HTR4: variants seen among roughly 807,000 people sequenced by gnomAD.
The protein encoded by HTR4 is 5-hydroxytryptamine receptor 4.
A neutral mutation model predicts 36.8 loss-of-function variants in HTR4; 16 were observed. The observed-to-expected ratio is 0.43, with a 90% CI of 0.29 to 0.66. HTR4 has a LOEUF of 0.66. Among genes scored for constraint, HTR4 ranks in the 30% least tolerant of loss-of-function variants. The probability of loss-of-function intolerance (pLI) is 0.13; values close to 1 mark genes in which losing one functional copy is unlikely to be tolerated. For synonymous variants in HTR4, 189 were observed against 185.1 expected, an observed-to-expected ratio of 1.02 and a Z score of -0.17; for missense variants, 438 against 490.9, an observed-to-expected ratio of 0.89 and a Z score of 1.02.
chr5:148,495,013 G>T (rs1201719331), intron 6 of HTR4, among the ~76,000 whole-genome samples: 1 of 152,270 alleles, frequency 6.6e-6, no homozygotes, highest in Admixed American at 6.5e-5. Flanking sequence ...AAGTTCTTTG[G>T]AAAGTGCTTG....
Position 148,484,603 on chromosome 5 carries a change from T to C in HTR4, c.1077-1310A>G, listed in dbSNP as rs60926905. Among the ~76,000 whole-genome samples the C allele has an allele frequency of 8.4e-3, 1,276 of 152,316 alleles. 46 individuals carry two copies. In the East Asian group the frequency reaches 0.11, roughly 13 times the overall value. On this transcript the variant is annotated intron_variant, in intron 6 of 6. Coordinates refer to ENST00000377888, the MANE Select transcript of HTR4 (RefSeq NM_000870.7). Reference sequence around the variant, plus strand: ...TTAAGCCCCTGAGATATGACACATCTTGGCTCAGAGAGAGTTAAATGCTTT... The same window carrying C: ...TTAAGCCCCTGAGATATGACACATCCTGGCTCAGAGAGAGTTAAATGCTTT...
chr5:148,481,531 G>T, downstream of HTR4: 1 of 1,517,176 alleles, frequency 6.6e-7, no homozygotes, highest in Non-Finnish European at 8.8e-7. Context: ...ATAGGACAGA[G>T]AGGCTTTTTT....
intron 2 of HTR4, among the ~76,000 whole-genome samples, chr5:148,588,566 C>T (rs1761437669): frequency 7.6e-6 from 1 of 132,028 alleles, no homozygotes; most frequent in Admixed American, 8.8e-5. Context: ...TGGAGTCTCG[C>T]TCTGTCGCCC....
At chr5:148,548,601 C>T in intron 4 of HTR4, 67 bp downstream of exon 4, 1 of 1,244,792 alleles carries the variant, frequency 8.0e-7, no homozygotes, top group Non-Finnish European at 1.1e-6. Flanking sequence ...AAGGCAGACA[C>T]TGCCCAATAT....
chr5:148,634,572 A>G (rs1263826058), intron 2 of HTR4, among the ~76,000 whole-genome samples: 1 of 152,238 alleles, frequency 6.6e-6, no homozygotes, highest in African/African-American at 2.4e-5. Context: ...CACACATTCA[A>G]CAAAAGAAAC....
exon 6 of HTR4, chr5:148,451,133 T>G: frequency 1.2e-6 from 2 of 1,611,722 alleles, no homozygotes. Flanking sequence ...GGTGACCTGT[T>G]CATGCAAACA....
At chr5:148,478,710 A>C (rs1414352428), downstream of HTR4, among the ~76,000 whole-genome samples, 1 of 152,056 alleles carries the variant, frequency 6.6e-6, no homozygotes, top group Non-Finnish European at 1.5e-5. Context: ...TCCTGCTTGA[A>C]TCTTTTATGT....
At chr5:148,531,662 C>T (rs1246119655) in intron 4 of HTR4, among the ~76,000 whole-genome samples, 1 of 152,156 alleles carries the variant, frequency 6.6e-6, no homozygotes, top group Non-Finnish European at 1.5e-5. Context: ...GCAGTACATT[C>T]TAAACTTAAG....
At chr5:148,634,355 C>T (rs1374221473) in intron 2 of HTR4, among the ~76,000 whole-genome samples, 1 of 152,204 alleles carries the variant, frequency 6.6e-6, no homozygotes, top group Non-Finnish European at 1.5e-5. Flanking sequence ...CATAGACCCA[C>T]ACACAAACAT....
At chr5:148,594,763 T>C (rs1477900052) in intron 2 of HTR4, among the ~76,000 whole-genome samples, 2 of 152,190 alleles carry the variant, frequency 1.3e-5, no homozygotes, top group Non-Finnish European at 2.9e-5. Flanking sequence ...CAATTAGCCA[T>C]GGACAAGGCT....
chr5:148,506,577 T>C (rs1206690403), intron 6 of HTR4, among the ~76,000 whole-genome samples: 1 of 151,878 alleles, frequency 6.6e-6, no homozygotes, highest in Non-Finnish European at 1.5e-5. Context: ...ACCATCAGAG[T>C]GAACAGGCAA....
At chr5:148,627,552 T>C (rs1753163889) in intron 2 of HTR4, among the ~76,000 whole-genome samples, 1 of 152,202 alleles carries the variant, frequency 6.6e-6, no homozygotes. Flanking sequence ...CACAAAGGTA[T>C]GATTAGTATT....
intron 6 of HTR4, among the ~76,000 whole-genome samples, chr5:148,485,767 T>C (rs1472685584): frequency 6.6e-6 from 1 of 151,828 alleles, no homozygotes; most frequent in African/African-American, 2.4e-5. Flanking sequence ...ATAAACATAA[T>C]AAAGAATGAG....
chr5:148,469,859 T>C (rs992230124), intron 5 of HTR4, among the ~76,000 whole-genome samples: 1 of 152,212 alleles, frequency 6.6e-6, no homozygotes, highest in Non-Finnish European at 1.5e-5. Context: ...GACACATTGG[T>C]CCAGAATGCA....
At chr5:148,652,251 G>T (rs576356099) in intron 1 of HTR4, among the ~76,000 whole-genome samples, 1 of 152,274 alleles carries the variant, frequency 6.6e-6, no homozygotes, top group East Asian at 1.9e-4. Context: ...GGTATTGAGG[G>T]AAAAACAGAT....
intron 5 of HTR4, among the ~76,000 whole-genome samples, chr5:148,465,590 C>T (rs1419820219): frequency 6.6e-6 from 1 of 152,134 alleles, no homozygotes. Context: ...TCGCAGTGCT[C>T]ATCTCCCACA....
At chr5:148,531,912 T>G (rs1758585008) in intron 4 of HTR4, among the ~76,000 whole-genome samples, 1 of 152,058 alleles carries the variant, frequency 6.6e-6, no homozygotes. Flanking sequence ...TCTGGAGACT[T>G]TGTTGTTGTT....
downstream of HTR4, among the ~76,000 whole-genome samples, chr5:148,479,948 A>C (rs546309139): frequency 9.2e-5 from 14 of 152,342 alleles, no homozygotes; most frequent in South Asian, 2.9e-3. Flanking sequence ...TCATATACAT[A>C]GACTATCAGA....
At chr5:148,452,419 G>T (rs965495113) in intron 5 of HTR4, among the ~76,000 whole-genome samples, 2 of 152,290 alleles carry the variant, frequency 1.3e-5, no homozygotes, top group African/African-American at 4.8e-5. Context: ...TCAGCAGAGA[G>T]CATTTTGTGC....
Sources: gnomAD v4.1 joint callset for allele counts (sites outside exome capture counted in the v4.1 genomes callset) on GRCh38, gnomAD v4.1.1 for gene constraint, MANE v1.5 for transcripts, NCBI Gene and HGNC (gene_info 2026-07-23, HGNC 2026-07-21) for gene names.